Variants in TBX1 observed in about 807,000 individuals in gnomAD.
TBX1 encodes T-box transcription factor 1.
A neutral mutation model predicts 40.8 loss-of-function variants in TBX1; 16 were observed. The observed-to-expected ratio is 0.39, with a 90% CI of 0.27 to 0.60. The LOEUF (loss-of-function observed/expected upper bound fraction) is 0.60. TBX1 is among the 20% of genes least tolerant of loss of function. The pLI is 0.51. For synonymous variants in TBX1, 403 were observed against 336.8 expected (o/e 1.20, Z -2.15); for missense variants, 755 against 728.5 (o/e 1.04, Z -0.42).
In TBX1 at chr22:19,766,540, C is replaced by T. The variant is rs1046003511; in HGVS notation, c.1188C>T (p.Gly396=). 5.2e-6 allele frequency: 7 copies of T among 1,347,772 alleles called. No individual in the cohort carries two copies. The highest frequency in any genetic ancestry group is 6.6e-6 in the Non-Finnish European group (7 of 1,054,428). The allele number at this position is 1,347,772 out of a possible 1,614,324, so 83.5% of individuals were successfully genotyped here. The part of the protein sequence containing the change: ...GGAGGLVPLP[G]APGGRPSPPN... ...CCGGCGGCTTAGTCCCGCTGCCCGG[C>T]GCGCCCGGAGGCCGGCCCAGTCCCC... is the stretch of plus-strand genomic sequence containing the variant. Residue 396 remains glycine, a synonymous_variant, in exon 7 of 7, where the codon GGC becomes GGT. Transcript: ENST00000649276.
In TBX1 at chr22:19,765,760, C is replaced by A. The variant is rs760755800; in HGVS notation, c.870C>A (p.Ile290=). 1.6e-5 allele frequency: 26 copies of A among 1,611,738 alleles called. No individual in the cohort carries two copies. Among genetic ancestry groups the A allele is most frequent in the Non-Finnish European group, 2.2e-5 (26 of 1,179,354 alleles). ...TGCTCACACCCACCTCCCTGCAGAT[C>A]ACGCAGCTCAAGATTGCCAGCAATC... ...TAVTAYQNHR[I]TQLKIASNPF... Residue 290 remains isoleucine (I), a splice_region_variant and synonymous_variant, in exon 5 of 7, where the codon ATC becomes ATA. Transcript: ENST00000649276.
downstream of TBX1, among the ~76,000 whole-genome samples, chr22:19,769,547 C>T (rs374347140): frequency 2.0e-5 from 3 of 152,232 alleles, no homozygotes; most frequent in African/African-American, 4.8e-5. Flanking sequence ...CGCTGCTCAC[C>T]GTCCCTCATG....
downstream of TBX1, among the ~76,000 whole-genome samples, chr22:19,779,927 C>G (rs1937122862): frequency 6.6e-6 from 1 of 151,802 alleles, no homozygotes; most frequent in South Asian, 2.1e-4. Flanking sequence ...GTGCTGCTGT[C>G]CAGTAAGCCT....
intron 8 of TBX1, among the ~76,000 whole-genome samples, chr22:19,772,422 C>T (rs189223930): frequency 2.6e-4 from 39 of 152,298 alleles, no homozygotes; most frequent in Admixed American, 1.2e-3. Context: ...CCTCCAGACT[C>T]AGCCTCCTGA....
chr22:19,766,193 G>A (rs1936835526), intron 6 of TBX1, 191 bp downstream of exon 6: 3 of 870,912 alleles, frequency 3.4e-6, no homozygotes, highest in Admixed American at 5.9e-5. Context: ...CGCCGCCGCC[G>A]CCGCCCGCAG....
chr22:19,759,722 CCTGCCTCAGCTG>C, upstream of TBX1: 4 of 1,605,848 alleles, frequency 2.5e-6, no homozygotes, highest in Non-Finnish European at 2.6e-6. Flanking sequence ...CGCCAGACCC[CCTGCCTCAGCTG>C]CTGTGGGGCC....
chr22:19,766,360 C>T, intron 6 of TBX1, 29 bp from the exon 7 acceptor site: 1 of 1,258,942 alleles, frequency 7.9e-7, no homozygotes, highest in South Asian at 2.5e-5. Flanking sequence ...CCCCGGCCGG[C>T]CGCGCTCACT....
intron 3 of TBX1, 131 bp from the exon 4 acceptor site, chr22:19,764,827 G>A (rs1936779338): frequency 1.1e-5 from 13 of 1,136,316 alleles, no homozygotes; most frequent in Non-Finnish European, 1.7e-5. Flanking sequence ...CCTCATCTTG[G>A]AATTAAGGGT....
intron 8 of TBX1, among the ~76,000 whole-genome samples, chr22:19,775,381 C>T (rs1053000191): frequency 5.9e-5 from 9 of 152,236 alleles, no homozygotes; most frequent in African/African-American, 1.7e-4. Context: ...AGGAGTGAGG[C>T]GCTGCGCCCA....
upstream of TBX1, among the ~76,000 whole-genome samples, chr22:19,758,848 TAGTG>T (rs1936547704): frequency 6.6e-6 from 1 of 152,180 alleles, no homozygotes; most frequent in African/African-American, 2.4e-5. Context: ...CCAGCGACGA[TAGTG>T]AGCCAACTTC....
rs1408404269 is a variant in TBX1, at chr22:19,766,994, C to T, written c.*127C>T. On this transcript the variant is annotated 3_prime_UTR_variant, in exon 7 of 7. Transcript: ENST00000649276. ...CCCCAGGGGCCACCGCGGCTCTCCC[C>T]TTCCCCAGCCTCGAAGCCATGGGGG... The T allele has an allele frequency of 2.8e-6, 4 of 1,412,446 alleles. No individual in the cohort carries two copies. The African/African-American group carries it at 6.0e-5, about 21-fold the overall frequency. The allele number at this position is 1,412,446 out of a possible 1,614,324, so 87.5% of individuals were successfully genotyped here. A position where few individuals can be genotyped will look rare whatever the true frequency, so the allele number is the denominator to read the frequency against.
Position 19,761,163 on chromosome 22 carries a change from A to C in TBX1, c.320A>C (p.Lys107Thr). ...GGGGCCAGCTGCGCGGCCGCAGCCA[A>C]GGCGCCGGTGAAGAAGAACGCGAAG... ...GPGASCAAAA[K>T]APVKKNAKVA... Residue 107 changes from lysine (K) to threonine (T), a missense_variant, in exon 1 of 7, where the codon AAG (lysine) becomes ACG (threonine). Lys to Thr is a moderately conservative substitution (Grantham distance 78, BLOSUM62 -1). Transcript: ENST00000649276. 6.6e-7 allele frequency: 1 copy of C among 1,511,298 alleles called. No homozygotes were observed. 93.6% of individuals were successfully genotyped at this position (1,511,298 alleles called of 1,614,324 possible).
downstream of TBX1, among the ~76,000 whole-genome samples, chr22:19,770,133 G>A (rs1943080778): frequency 1.3e-5 from 2 of 152,124 alleles, no homozygotes; most frequent in African/African-American, 2.4e-5. Context: ...CAGAGGCCCC[G>A]TTGCCCTCCC....
downstream of TBX1, among the ~76,000 whole-genome samples, chr22:19,780,776 G>GTTTTGT (rs1937133064): frequency 2.5e-5 from 3 of 119,104 alleles, no homozygotes; most frequent in African/African-American, 1.0e-4. Flanking sequence ...CTTGTTTTCT[G>GTTTTGT]TTTTTTTTTT....
chr22:19,771,896 A>G (rs1427579551), downstream of TBX1, among the ~76,000 whole-genome samples: 2 of 152,234 alleles, frequency 1.3e-5, no homozygotes, highest in Non-Finnish European at 2.9e-5. Context: ...GGCCTCGGGC[A>G]ACGCTGGGTG....
At chr22:19,763,478 C>T (rs552754577) in intron 2 of TBX1, 136 bp downstream of exon 2, 9 of 743,552 alleles carry the variant, frequency 1.2e-5, no homozygotes, top group South Asian at 6.6e-5. Flanking sequence ...CCGATCAACC[C>T]GCTCCCTCCT....
rs773592877 is a variant in TBX1, at chr22:19,761,239, C to T, written c.396C>T (p.Phe132=). The change falls in exon 1 of 7, where the codon TTC becomes TTT. Residue 132 remains phenylalanine, a synonymous_variant. Coordinates refer to ENST00000649276, the MANE Select transcript of TBX1 (RefSeq NM_001379200.1). ...QLEMKALWDE[F]NQLGTEMIVT... is the part of the protein sequence containing the mutation. ...AGATGAAGGCGCTGTGGGACGAGTT[C>T]AACCAGCTGGGCACCGAGATGATCG... 1.9e-6 allele frequency: 3 copies of T among 1,572,190 alleles called. No homozygotes were observed.
chr22:19,766,526 G>C lies in TBX1; in HGVS notation c.1174G>C (p.Val392Leu). 7.5e-7 allele frequency: 1 copy of C among 1,338,872 alleles called. No individual in the cohort carries two copies. Among genetic ancestry groups the C allele is most frequent in the Non-Finnish European group, 9.5e-7 (1 of 1,049,754 alleles). The allele number at this position is 1,338,872 out of a possible 1,614,324, so 82.9% of individuals were successfully genotyped here. A position where few individuals can be genotyped will look rare whatever the true frequency, so the allele number is the denominator to read the frequency against. ...LPGAGGAGGL[V>L]PLPGAPGGRP... ...CGGGGCCGGCGGCGCCGGCGGCTTA[G>C]TCCCGCTGCCCGGCGCGCCCGGAGG... Residue 392 changes from valine to leucine, a missense_variant, in exon 7 of 7, where the codon GTC becomes CTC. By Grantham distance (32) the Val-to-Leu change is conservative (BLOSUM62 1). Around this residue, in one of 3 missense-constraint regions of TBX1, gnomAD observed 412 missense variants for 317.6 expected, o/e 1.30. Coordinates refer to ENST00000649276, the MANE Select transcript of TBX1 (RefSeq NM_001379200.1).
chr22:19,783,374 G>C (rs1937160908), downstream of TBX1: 1 of 351,022 alleles, frequency 2.8e-6, no homozygotes, highest in Non-Finnish European at 5.6e-6. Flanking sequence ...GGACAGATGT[G>C]CTGCTGTTCC....
Sources: gnomAD v4.1 joint callset for allele counts (sites outside exome capture counted in the v4.1 genomes callset) on GRCh38, gnomAD v4.1.1 for gene constraint, gnomAD v4.1.1 regional missense constraint, MANE v1.5 for transcripts, NCBI Gene and HGNC (gene_info 2026-07-23, HGNC 2026-07-21) for gene names.